Variants in SNX29 observed in about 807,000 individuals in gnomAD.
The protein encoded by SNX29 is sorting nexin-29.
SNX29 carries 78 observed loss-of-function variants against 102.1 expected under a neutral mutation model. The ratio of observed to expected loss-of-function variants is 0.76; its 90% CI spans 0.64 to 0.92. SNX29 has a LOEUF of 0.92. SNX29 is among the 40% of genes least tolerant of loss of function. The pLI, the probability that SNX29 is intolerant of heterozygous loss-of-function variation, is 0.00. For synonymous variants in SNX29, 580 were observed against 414.5 expected (o/e 1.40, Z -4.85); for missense variants, 1,280 against 1,061.7 (o/e 1.21, Z -2.86).
intron 18 of SNX29, among the ~76,000 whole-genome samples, chr16:12,476,076 T>G (rs2087578856): frequency 6.6e-6 from 1 of 151,906 alleles, no homozygotes; most frequent in South Asian, 2.1e-4. Flanking sequence ...ATCCCAGTAC[T>G]TTGTGAGGCC....
intron 20 of SNX29, among the ~76,000 whole-genome samples, chr16:12,540,377 C>A (rs1402621818): frequency 1.3e-5 from 2 of 152,134 alleles, no homozygotes; most frequent in Admixed American, 6.5e-5. Context: ...TTATTGTTGC[C>A]CTACCAAATT....
chr16:12,183,029 G>A lies in SNX29; in HGVS notation c.1596-16572G>A, dbSNP rs910277457. On this transcript the variant is annotated intron_variant, in intron 13 of 20. Coordinates refer to ENST00000566228, the MANE Select transcript of SNX29 (RefSeq NM_032167.5). ...TTTTCATGGTTGGGGGTAGAGACAGGGTCTCACTTTGTCACCCAGGTTGGA... is the reference window on the plus strand; with the variant it reads ...TTTTCATGGTTGGGGGTAGAGACAGAGTCTCACTTTGTCACCCAGGTTGGA... Among the ~76,000 whole-genome samples the A allele has an allele frequency of 2.6e-5, 4 of 151,906 alleles. No homozygotes were observed. In the East Asian group the frequency reaches 5.8e-4, roughly 22 times the overall value.
At chr16:12,486,408 G>A (rs1337490536) in intron 19 of SNX29, among the ~76,000 whole-genome samples, 1 of 151,666 alleles carries the variant, frequency 6.6e-6, no homozygotes, top group Non-Finnish European at 1.5e-5. Flanking sequence ...GCCTCATCCT[G>A]CCTACCGTAC....
rs181675488 is a variant in SNX29, at chr16:12,573,265, G to C, written c.*4636G>C. On this transcript the variant is annotated 3_prime_UTR_variant, in exon 21 of 21. Coordinates refer to ENST00000566228, the MANE Select transcript of SNX29 (RefSeq NM_032167.5). Reference sequence around the variant, plus strand: ...AATGTACCTCGATCAGTCATCTCTGGTATTCCTCACTCTAGCCATGAGCCA... The same window carrying C: ...AATGTACCTCGATCAGTCATCTCTGCTATTCCTCACTCTAGCCATGAGCCA... 2 of 227,428 alleles carry C rather than the reference G, an allele frequency of 8.8e-6. No homozygotes were observed. Among genetic ancestry groups the C allele is most frequent in the South Asian group, 1.8e-4 (1 of 5,476 alleles). The allele number at this position is 227,428 out of a possible 1,614,324, so 14.1% of individuals were successfully genotyped here. A position where few individuals can be genotyped will look rare whatever the true frequency, so the allele number is the denominator to read the frequency against.
chr16:12,463,332 C>T (rs1032230932), intron 18 of SNX29, among the ~76,000 whole-genome samples: 2 of 152,146 alleles, frequency 1.3e-5, no homozygotes, highest in Admixed American at 6.5e-5. Flanking sequence ...TAAAGACATA[C>T]CCGAGACTGG....
At position 12,152,686 on chromosome 16, in the gene SNX29, G is replaced by C. The variant is rs114335696; in HGVS notation, c.1595+22928G>C. ...ACTTTGCTGACCAGTCAGGCTGAGA[G>C]ATGAACGCAGTACATACACCACAGG... On this transcript the variant is annotated intron_variant, in intron 13 of 20. Coordinates refer to ENST00000566228, the MANE Select transcript of SNX29 (RefSeq NM_032167.5). 6.3e-3 allele frequency among the ~76,000 whole-genome samples: 958 copies of C among 152,298 alleles called. 9 individuals carry two copies. The highest frequency in any genetic ancestry group is 0.022 in the African/African-American group (919 of 41,554).
chr16:12,500,964 A>G (rs2089092351), intron 19 of SNX29, among the ~76,000 whole-genome samples: 4 of 152,130 alleles, frequency 2.6e-5, no homozygotes, highest in East Asian at 1.9e-4. Context: ...CACGCCTGTC[A>G]TGGGCAGAGT....
chr16:12,092,882 C>G (rs1399127232), intron 11 of SNX29, among the ~76,000 whole-genome samples: 1 of 152,158 alleles, frequency 6.6e-6, no homozygotes, highest in Non-Finnish European at 1.5e-5. Flanking sequence ...ATTTGAATGG[C>G]TTTTGGCTAG....
intron 16 of SNX29, among the ~76,000 whole-genome samples, chr16:12,357,364 T>A (rs543586735): frequency 1.3e-5 from 2 of 152,334 alleles, no homozygotes; most frequent in South Asian, 4.1e-4. Flanking sequence ...AATATCCTTA[T>A]CACCCCCATT....
chr16:12,122,851 G>A (rs1476574865), intron 11 of SNX29, among the ~76,000 whole-genome samples: 1 of 152,062 alleles, frequency 6.6e-6, no homozygotes, highest in Non-Finnish European at 1.5e-5. Flanking sequence ...TTTCTAGGCG[G>A]AGTCTCACTC....
chr16:12,497,092 G>A (rs982997870), intron 19 of SNX29, among the ~76,000 whole-genome samples: 2 of 152,156 alleles, frequency 1.3e-5, no homozygotes, highest in Non-Finnish European at 2.9e-5. Context: ...GTCGGGACCT[G>A]CCCTCCCTGT....
At chr16:12,545,841 GCAGAT>G (rs1052967200) in intron 20 of SNX29, among the ~76,000 whole-genome samples, 33 of 152,124 alleles carry the variant, frequency 2.2e-4, no homozygotes, top group Admixed American at 8.5e-4. Flanking sequence ...GGGGAGGGGA[GCAGAT>G]CACCTCTCCT....
Position 12,569,437 on chromosome 16 carries a change from T to C in SNX29, c.*808T>C. On this transcript the variant is annotated 3_prime_UTR_variant, in exon 21 of 21. Transcript: ENST00000566228. The stretch of plus-strand genomic sequence containing the variant: ...CCGGCGTCATCCAGCGTGTCCAAAG[T>C]AGCATTGGCCCTACAGTCATGAGAG... 4.3e-6 allele frequency: 1 copy of C among 230,566 alleles called. No homozygotes were observed. The highest frequency in any genetic ancestry group is 8.6e-6 in the Non-Finnish European group (1 of 116,416). The allele number at this position is 230,566 out of a possible 1,614,324, so 14.3% of individuals were successfully genotyped here. A position where few individuals can be genotyped will look rare whatever the true frequency, so the allele number is the denominator to read the frequency against.
At chr16:12,264,106 G>A (rs1021132289) in intron 14 of SNX29, among the ~76,000 whole-genome samples, 26 of 152,224 alleles carry the variant, frequency 1.7e-4, no homozygotes, top group African/African-American at 5.5e-4. Context: ...GCAGGAGACT[G>A]TGTGCCGGCC....
At chr16:12,397,308 T>C (rs1407494999) in intron 16 of SNX29, among the ~76,000 whole-genome samples, 2 of 152,226 alleles carry the variant, frequency 1.3e-5, no homozygotes, top group African/African-American at 4.8e-5. Flanking sequence ...TTAGCTGACT[T>C]TTCCTGTTTG....
intron 19 of SNX29, among the ~76,000 whole-genome samples, chr16:12,514,486 C>G (rs763982393): frequency 2.1e-4 from 32 of 152,208 alleles, no homozygotes; most frequent in Non-Finnish European, 3.5e-4. Context: ...GGGGCCAATT[C>G]TTGTTTCTAC....
At chr16:12,016,359 G>C (rs1596600362) in intron 3 of SNX29, among the ~76,000 whole-genome samples, 1 of 152,154 alleles carries the variant, frequency 6.6e-6, no homozygotes, top group East Asian at 1.9e-4. Flanking sequence ...GAGTTGGGTT[G>C]CTGAGTCAGA....
At position 12,560,011 on chromosome 16, in the gene SNX29, A is replaced by G. The variant is rs571217201; in HGVS notation, c.2319-8495A>G. Among the ~76,000 whole-genome samples the G allele has an allele frequency of 2.2e-3, 330 of 152,318 alleles. 1 individual carries two copies. The highest frequency in any genetic ancestry group is 7.4e-3 in the African/African-American group (309 of 41,570). Reference sequence around the variant, plus strand: ...AGATTTTGCAAGCAACTTCACTTACATTTTGGAAGACTTAGTATGACAAAT... The same window carrying G: ...AGATTTTGCAAGCAACTTCACTTACGTTTTGGAAGACTTAGTATGACAAAT... On this transcript the variant is annotated intron_variant, in intron 20 of 20. Coordinates refer to ENST00000566228, the MANE Select transcript of SNX29 (RefSeq NM_032167.5).
intron 11 of SNX29, among the ~76,000 whole-genome samples, chr16:12,117,728 G>A (rs984223544): frequency 5.3e-5 from 8 of 152,154 alleles, no homozygotes; most frequent in Admixed American, 1.3e-4. Context: ...CGTACTAAAG[G>A]CCACTGAATT....
Sources: gnomAD v4.1 joint callset for allele counts (sites outside exome capture counted in the v4.1 genomes callset) on GRCh38, gnomAD v4.1.1 for gene constraint, MANE v1.5 for transcripts, NCBI Gene and HGNC (gene_info 2026-07-23, HGNC 2026-07-21) for gene names.